SYNJ2: variants seen among roughly 807,000 people sequenced by gnomAD.
SYNJ2 encodes the protein synaptojanin 2.
In SYNJ2, 116 loss-of-function variants were observed where a neutral mutation model predicts 141.3. That is an observed-to-expected ratio of 0.82 (90% CI 0.71 to 0.96). The LOEUF is 0.96. SYNJ2 is among the 40% of genes least tolerant of loss of function. SYNJ2 has a pLI of 0.00. For missense variants in SYNJ2, 1,873 were observed against 1,934.8 expected (o/e 0.97, Z 0.60); for synonymous variants, 745 against 777.7 (o/e 0.96, Z 0.70).
Position 158,020,006 on chromosome 6 carries a change from C to CT in SYNJ2, c.214+2716_214+2717insT, listed in dbSNP as rs754466615. ...CAGCTGTTGAGCATGTTGGGCAGCA[C>CT]GGAGTGTAGCTACAACTGTGTGACC... On this transcript the variant is annotated intron_variant, in intron 2 of 26. Transcript: ENST00000355585. Among the ~76,000 whole-genome samples the CT allele has an allele frequency of 4.6e-5, 7 of 151,950 alleles. 1 individual carries two copies. The East Asian group carries it at 1.2e-3, about 25-fold the overall frequency.
At chr6:158,013,660 A>T (rs893181653) in intron 1 of SYNJ2, among the ~76,000 whole-genome samples, 1 of 152,252 alleles carries the variant, frequency 6.6e-6, no homozygotes, top group Non-Finnish European at 1.5e-5. Flanking sequence ...CCCCAAGATC[A>T]GAACTCATAG....
chr6:158,093,577 T>C (rs1783612689), intron 26 of SYNJ2, among the ~76,000 whole-genome samples: 1 of 152,222 alleles, frequency 6.6e-6, no homozygotes, highest in Non-Finnish European at 1.5e-5. Context: ...TCTTCCCTCA[T>C]ATCCTACTGT....
chr6:158,070,162 T>C lies in SYNJ2; in HGVS notation c.1940+489T>C, dbSNP rs1362524528. ...GGGGCGAGCTTAGGGGCGGCATTCC[T>C]CTTGGGGTGTGGGTGTGGGTGTTTG... On this transcript the variant is annotated intron_variant, in intron 14 of 26. Coordinates refer to ENST00000355585, the MANE Select transcript of SYNJ2 (RefSeq NM_003898.4). The surrounding 1 kb of genome is among the most constrained non-coding windows in gnomAD (Gnocchi z 4.0). The C allele has an allele frequency of 1.0e-6, 1 of 985,642 alleles. No individual in the cohort carries two copies. Among genetic ancestry groups the C allele is most frequent in the Admixed American group, 6.1e-5 (1 of 16,274 alleles). 61.1% of individuals were successfully genotyped at this position (985,642 alleles called of 1,614,324 possible).
chr6:158,025,416 C>T (rs1339688776), intron 2 of SYNJ2, among the ~76,000 whole-genome samples: 1 of 152,220 alleles, frequency 6.6e-6, no homozygotes, highest in Admixed American at 6.5e-5. Context: ...TGGTTCACAC[C>T]TGTAATCCCA....
chr6:157,986,456 C>T (rs1018122237), intron 1 of SYNJ2, among the ~76,000 whole-genome samples: 4 of 152,174 alleles, frequency 2.6e-5, no homozygotes, highest in African/African-American at 4.8e-5. Context: ...GCCTCAGCCT[C>T]CTGAGTAGCT....
At chr6:158,049,364 G>A (rs867707971) in intron 5 of SYNJ2, among the ~76,000 whole-genome samples, 3 of 152,158 alleles carry the variant, frequency 2.0e-5, no homozygotes, top group Non-Finnish European at 2.9e-5. Flanking sequence ...TGACACCAGA[G>A]AAGGTGGATG....
At chr6:158,022,914 C>G (rs1406198198) in intron 2 of SYNJ2, among the ~76,000 whole-genome samples, 1 of 152,188 alleles carries the variant, frequency 6.6e-6, no homozygotes, top group African/African-American at 2.4e-5. Context: ...AGCGACCCCC[C>G]ACAGCCTGGT....
At chr6:158,063,354 T>C (rs1178883027) in intron 8 of SYNJ2, among the ~76,000 whole-genome samples, 2 of 152,054 alleles carry the variant, frequency 1.3e-5, no homozygotes, top group African/African-American at 2.4e-5. Flanking sequence ...TGGGGGGCTA[T>C]TGATGAGGAG....
chr6:158,078,593 CT>C, intron 18 of SYNJ2: 1 of 217,208 alleles, frequency 4.6e-6, no homozygotes, highest in East Asian at 1.2e-4. Context: ...GTGCAACTTG[CT>C]TTTTTGTTAC....
chr6:158,051,920 C>T (rs1780589251), intron 5 of SYNJ2, among the ~76,000 whole-genome samples: 1 of 151,454 alleles, frequency 6.6e-6, no homozygotes, highest in Non-Finnish European at 1.5e-5. Flanking sequence ...TGCACCTCTG[C>T]ACTCCAGCCT....
intron 2 of SYNJ2, among the ~76,000 whole-genome samples, chr6:158,022,520 G>A (rs1778832867): frequency 1.3e-5 from 2 of 152,148 alleles, no homozygotes; most frequent in South Asian, 4.1e-4. Context: ...GCTTTGCTTT[G>A]GCCAGAGCCC....
intron 2 of SYNJ2, among the ~76,000 whole-genome samples, chr6:158,025,719 G>A (rs12213984): frequency 0.081 from 12,236 of 151,986 alleles, 581 homozygotes; most frequent in South Asian, 0.19. Context: ...TTGGGAGGCC[G>A]AAGCAGGCAG....
chr6:157,999,699 T>C (rs1010921534), intron 1 of SYNJ2, among the ~76,000 whole-genome samples: 1 of 152,156 alleles, frequency 6.6e-6, no homozygotes, highest in Non-Finnish European at 1.5e-5. Context: ...GGGTAAGGCA[T>C]CCTGCTTCTA....
intron 2 of SYNJ2, chr6:158,017,852 C>A: frequency 2.0e-6 from 1 of 495,018 alleles, no homozygotes; most frequent in Non-Finnish European, 4.2e-6. Context: ...GGGTTCCCGG[C>A]ACCCCCACCC....
intron 6 of SYNJ2, among the ~76,000 whole-genome samples, chr6:158,057,529 T>C (rs960037634): frequency 8.5e-5 from 13 of 152,218 alleles, no homozygotes; most frequent in African/African-American, 3.1e-4. Flanking sequence ...CCCTGCTTTA[T>C]AGATGAAGGA....
At position 158,017,289 on chromosome 6, in the gene SYNJ2, T is replaced by C; in HGVS notation, c.213T>C (p.Ser71=). Residue 71 remains serine (S), a splice_region_variant and synonymous_variant, in exon 2 of 27, where the codon TCT becomes TCC. Transcript: ENST00000355585. The part of the protein sequence containing the change: ...YGCLGELRLK[S]GGTSLSFLVL... ...GCCTGGGGGAGCTGAGGCTGAAATC[T>C]GGTGAGTAGCCGCTCGCTGGAGGAG... 1 of 1,612,470 alleles carries C rather than the reference T, an allele frequency of 6.2e-7. No individual in the cohort carries two copies. The highest frequency in any genetic ancestry group is 8.5e-7 in the Non-Finnish European group (1 of 1,179,530).
intron 3 of SYNJ2, among the ~76,000 whole-genome samples, chr6:158,029,631 T>C (rs1196698220): frequency 6.6e-6 from 1 of 152,100 alleles, no homozygotes; most frequent in Admixed American, 6.6e-5. Flanking sequence ...CGACGTCTGC[T>C]GAGTGCTTCC....
At position 158,096,093 on chromosome 6, in the gene SYNJ2, T is replaced by A; in HGVS notation, c.4220T>A (p.Leu1407His). Residue 1407 changes from leucine to histidine, a missense_variant, in exon 27 of 27, where the codon CTT (leucine) becomes CAT (histidine). Physicochemically the swap from Leu to His is moderately conservative, Grantham distance 99 (BLOSUM62 -3). Transcript: ENST00000355585. ...TKAMKPEAAP[L>H]LGDYQDPFWN... The stretch of plus-strand genomic sequence containing the variant: ...GCGATGAAGCCAGAGGCAGCCCCAC[T>A]TCTTGGTGATTATCAGGACCCCTTC... 6.2e-7 allele frequency: 1 copy of A among 1,614,224 alleles called. No individual in the cohort carries two copies. The highest frequency in any genetic ancestry group is 1.3e-5 in the African/African-American group (1 of 75,062).
intron 3 of SYNJ2, among the ~76,000 whole-genome samples, chr6:158,031,847 T>G (rs1348883287): frequency 6.6e-6 from 1 of 152,148 alleles, no homozygotes; most frequent in Non-Finnish European, 1.5e-5. Context: ...GAAACAGGGC[T>G]GATTTAAGGG....
Sources: allele counts gnomAD v4.1 joint callset (sites outside exome capture counted in the v4.1 genomes callset), GRCh38; gene constraint gnomAD v4.1.1; non-coding constraint Gnocchi (gnomAD v3.1); transcripts MANE v1.5; gene names NCBI Gene and HGNC (gene_info 2026-07-23, HGNC 2026-07-21).